TLL1: variants seen among roughly 807,000 people sequenced by gnomAD.
TLL1 encodes the protein tolloid-like protein 1.
In TLL1, 49 loss-of-function variants were observed where a neutral mutation model predicts 128.2. The observed-to-expected ratio is 0.38, with a 90% CI of 0.30 to 0.48. The LOEUF (loss-of-function observed/expected upper bound fraction) is 0.48. Ranked by LOEUF, TLL1 falls within the 20% of genes least tolerant of loss-of-function variation. The pLI is 0.96. For missense variants in TLL1, 1,123 were observed against 1,242.0 expected (o/e 0.90, Z 1.44); for synonymous variants, 454 against 418.8 (o/e 1.08, Z -1.03).
chr4:165,891,725 A>T (rs199700532), intron 1 of TLL1, among the ~76,000 whole-genome samples: 4 of 152,202 alleles, frequency 2.6e-5, no homozygotes, highest in African/African-American at 9.6e-5. Flanking sequence ...ACGAGTCTCT[A>T]GGAAGTTCCA....
At chr4:166,048,238 GAAAA>G (rs56801648) in intron 12 of TLL1, among the ~76,000 whole-genome samples, 1 of 100,676 alleles carries the variant, frequency 9.9e-6, no homozygotes, top group Non-Finnish European at 2.1e-5. Flanking sequence ...TTCCGTCTCG[GAAAA>G]AAAAAAAAAA....
At chr4:165,901,072 GT>G (rs1186133548) in intron 1 of TLL1, among the ~76,000 whole-genome samples, 1 of 151,976 alleles carries the variant, frequency 6.6e-6, no homozygotes, top group African/African-American at 2.4e-5. Flanking sequence ...CTCGTGCTGT[GT>G]TTTTTAGCTC....
rs531449346 is a variant in TLL1 at position 165,947,390 on chromosome 4, C to T, written c.170-41991C>T. Among the ~76,000 whole-genome samples the T allele has an allele frequency of 1.2e-4, 18 of 152,116 alleles. No homozygotes were observed. In the South Asian group the frequency reaches 3.7e-3, roughly 32 times the overall value. On this transcript the variant is annotated intron_variant, in intron 1 of 20. Transcript: ENST00000061240. ...GGCTGGGGTCATGGAGGAAGAGGCA[C>T]AAATATTCAGTCCGTAACACCTGGC...
At chr4:165,986,156 G>A (rs118113163) in intron 1 of TLL1, among the ~76,000 whole-genome samples, 29 of 151,814 alleles carry the variant, frequency 1.9e-4, no homozygotes, top group African/African-American at 5.1e-4. Flanking sequence ...ACATAAAAAC[G>A]AAAACAAAAT....
At chr4:166,078,118 T>TAATTG in intron 18 of TLL1, 88 bp downstream of exon 18, 1 of 1,586,068 alleles carries the variant, frequency 6.3e-7, no homozygotes. Flanking sequence ...GAGGTTTATC[T>TAATTG]AATTGAATCG....
chr4:166,087,039 A>T (rs1741551630), intron 18 of TLL1, among the ~76,000 whole-genome samples: 1 of 152,168 alleles, frequency 6.6e-6, no homozygotes. Context: ...AAGTACAAGT[A>T]TCTGTTATCC....
intron 1 of TLL1, among the ~76,000 whole-genome samples, chr4:165,934,742 TGTGGCTCCTTA>T (rs1041077200): frequency 3.9e-5 from 6 of 152,240 alleles, no homozygotes; most frequent in Non-Finnish European, 8.8e-5. Flanking sequence ...TGGTGGCCTT[TGTGGCTCCTTA>T]GTGGCTCCAG....
intron 1 of TLL1, among the ~76,000 whole-genome samples, chr4:165,922,705 T>C (rs1011586435): frequency 6.6e-6 from 1 of 152,222 alleles, no homozygotes; most frequent in Non-Finnish European, 1.5e-5. Flanking sequence ...AAGAGACTAG[T>C]ATTTGAGAAA....
chr4:165,991,652 A>G (rs972679510), intron 2 of TLL1, among the ~76,000 whole-genome samples: 1 of 150,438 alleles, frequency 6.6e-6, no homozygotes, highest in African/African-American at 2.5e-5. Context: ...CTTATATAGC[A>G]ATAGATTTTA....
intron 18 of TLL1, among the ~76,000 whole-genome samples, chr4:166,080,105 G>C (rs143380991): frequency 1.5e-4 from 23 of 152,186 alleles, no homozygotes; most frequent in African/African-American, 5.5e-4. Context: ...GAGGCTAGAG[G>C]TCCAAGATTA....
chr4:166,098,858 T>C (rs920012862), intron 19 of TLL1, among the ~76,000 whole-genome samples: 14 of 152,128 alleles, frequency 9.2e-5, no homozygotes, highest in Admixed American at 4.6e-4. Context: ...TTTATGAAAA[T>C]AGTTATTTGA....
At chr4:165,896,236 T>C (rs1437290033) in intron 1 of TLL1, among the ~76,000 whole-genome samples, 7 of 152,160 alleles carry the variant, frequency 4.6e-5, no homozygotes, top group Admixed American at 2.0e-4. Flanking sequence ...TCCAGCTTCA[T>C]CCATGTCCCT....
chr4:166,031,447 C>CA lies in TLL1; in HGVS notation c.1158+6018dup, dbSNP rs948515701. ...GTAATGGCATGATCTCGGCTCACTG[C>CA]AACTTTCACTTCTCAGTTCAAGCAA... On this transcript the variant is annotated intron_variant, in intron 9 of 20. Transcript: ENST00000061240. Among the ~76,000 whole-genome samples the CA allele has an allele frequency of 1.4e-4, 20 of 145,438 alleles. No individual in the cohort carries two copies. In the Admixed American group the frequency reaches 1.4e-3, roughly 10 times the overall value.
intron 7 of TLL1, among the ~76,000 whole-genome samples, chr4:166,010,824 G>GT (rs201257162): frequency 0.037 from 5,506 of 150,444 alleles, 125 homozygotes; most frequent in Middle Eastern, 0.059. Flanking sequence ...TTTTTAAAGT[G>GT]TTTTTTTTAA....
intron 1 of TLL1, among the ~76,000 whole-genome samples, chr4:165,953,181 T>C (rs988864720): frequency 2.0e-5 from 3 of 152,166 alleles, no homozygotes; most frequent in African/African-American, 7.2e-5. Context: ...GACTTCTACA[T>C]GTTGAAACTA....
chr4:165,887,449 T>C (rs1170252710), intron 1 of TLL1, among the ~76,000 whole-genome samples: 1 of 151,538 alleles, frequency 6.6e-6, no homozygotes, highest in East Asian at 1.9e-4. Flanking sequence ...AAAGGAGGAG[T>C]CAAAGATGAC....
chr4:166,063,885 T>C (rs572576432), intron 15 of TLL1, among the ~76,000 whole-genome samples: 1 of 152,110 alleles, frequency 6.6e-6, no homozygotes, highest in East Asian at 1.9e-4. Context: ...TTAGGAGATA[T>C]ACCTAATGTA....
chr4:165,962,123 A>G (rs568292968), intron 1 of TLL1, among the ~76,000 whole-genome samples: 8 of 152,302 alleles, frequency 5.3e-5, no homozygotes, highest in African/African-American at 1.4e-4. Context: ...GAAACTGTCA[A>G]CAGAGTAAAC....
At chr4:166,072,390 C>G (rs984321500) in intron 16 of TLL1, among the ~76,000 whole-genome samples, 4 of 151,736 alleles carry the variant, frequency 2.6e-5, no homozygotes, top group African/African-American at 4.8e-5. Context: ...TTTCCTTCCT[C>G]TTCTTTCTTT....
Sources: gnomAD v4.1 joint callset for allele counts (sites outside exome capture counted in the v4.1 genomes callset) on GRCh38, gnomAD v4.1.1 for gene constraint, MANE v1.5 for transcripts, NCBI Gene and HGNC (gene_info 2026-07-23, HGNC 2026-07-21) for gene names.